The following HS6ST3 variants were observed in gnomAD, a reference collection of about 807,000 sequenced individuals.
HS6ST3 encodes heparan sulfate 6-O-sulfotransferase 3, also known as heparan-sulfate 6-O-sulfotransferase 3.
In HS6ST3, 12 loss-of-function variants were observed where a neutral mutation model predicts 36.7. The ratio of observed to expected loss-of-function variants is 0.33; its 90% CI spans 0.21 to 0.53. HS6ST3 has a LOEUF of 0.53. Ranked by LOEUF, HS6ST3 falls within the 20% of genes least tolerant of loss-of-function variation. The pLI, the probability that HS6ST3 is intolerant of heterozygous loss-of-function variation, is 0.95. For synonymous variants in HS6ST3, 240 were observed against 257.5 expected (o/e 0.93, Z 0.65); for missense variants, 584 against 640.9 (o/e 0.91, Z 0.96).
chr13:96,783,080 T>A (rs1006615863), intron 1 of HS6ST3, among the ~76,000 whole-genome samples: 1 of 152,214 alleles, frequency 6.6e-6, no homozygotes, highest in Non-Finnish European at 1.5e-5. Context: ...CATTGTTTGT[T>A]CAAGGAACAA....
At chr13:96,171,589 A>G (rs762099822) in intron 1 of HS6ST3, among the ~76,000 whole-genome samples, 11 of 152,232 alleles carry the variant, frequency 7.2e-5, no homozygotes, top group Non-Finnish European at 1.6e-4. Context: ...TCTGGCCTCA[A>G]CATGCAGTAT....
chr13:96,307,767 A>G (rs1345783367), intron 1 of HS6ST3, among the ~76,000 whole-genome samples: 1 of 152,074 alleles, frequency 6.6e-6, no homozygotes, highest in Non-Finnish European at 1.5e-5. Context: ...TTCTTAATAT[A>G]CTTTCTGTGT....
chr13:96,713,605 G>T (rs1875620938), intron 1 of HS6ST3, among the ~76,000 whole-genome samples: 2 of 152,094 alleles, frequency 1.3e-5, no homozygotes, highest in African/African-American at 4.8e-5. Flanking sequence ...TATTTTCAAG[G>T]CATGTGCATT....
At position 96,274,070 on chromosome 13, in the gene HS6ST3, GT is replaced by G; in HGVS notation, c.707+182505del. Among the ~76,000 whole-genome samples, 5 of 149,694 alleles carry G rather than the reference GT, an allele frequency of 3.3e-5. No homozygotes were observed. The East Asian group carries it at 5.9e-4, about 18-fold the overall frequency. ...TGATTCTTTCTTTCTTTCAGACAGG[GT>G]TTTGCTCTGTCCCCCAGGCTGTAGT... On this transcript the variant is annotated intron_variant, in intron 1 of 1. Coordinates refer to ENST00000376705, the MANE Select transcript of HS6ST3 (RefSeq NM_153456.4).
At chr13:96,147,014 A>G (rs765390111) in intron 1 of HS6ST3, among the ~76,000 whole-genome samples, 2 of 152,242 alleles carry the variant, frequency 1.3e-5, no homozygotes, top group Non-Finnish European at 2.9e-5. Context: ...TGAGATGCAG[A>G]AAGATGAAGA....
At chr13:96,742,754 T>A (rs1168479415) in intron 1 of HS6ST3, among the ~76,000 whole-genome samples, 1 of 152,138 alleles carries the variant, frequency 6.6e-6, no homozygotes, top group Admixed American at 6.6e-5. Flanking sequence ...TGATTAGGGA[T>A]ATTAATTTCA....
chr13:96,737,373 C>A (rs1225328814), intron 1 of HS6ST3, among the ~76,000 whole-genome samples: 4 of 151,848 alleles, frequency 2.6e-5, no homozygotes, highest in African/African-American at 7.3e-5. Flanking sequence ...CGCCTGTAAT[C>A]CCAGCACTTT....
Position 96,581,511 on chromosome 13 carries a change from C to T in HS6ST3, c.708-250979C>T, listed in dbSNP as rs540163467. ...CTCTGGGATTACAGGTATGAGCCACCGCGCCTGGCCAACAACTACTTTTTG... is the reference window on the plus strand; with the variant it reads ...CTCTGGGATTACAGGTATGAGCCACTGCGCCTGGCCAACAACTACTTTTTG... On this transcript the variant is annotated intron_variant, in intron 1 of 1. Coordinates refer to ENST00000376705, the MANE Select transcript of HS6ST3 (RefSeq NM_153456.4). Among the ~76,000 whole-genome samples the T allele has an allele frequency of 9.9e-5, 15 of 152,160 alleles. No individual in the cohort carries two copies. In the East Asian group the frequency reaches 1.2e-3, roughly 12 times the overall value.
At chr13:96,574,552 C>T (rs2056313854) in intron 1 of HS6ST3, 1 of 296,222 alleles carries the variant, frequency 3.4e-6, no homozygotes. Flanking sequence ...GCACCAATGG[C>T]TGTGACATCA....
intron 1 of HS6ST3, among the ~76,000 whole-genome samples, chr13:96,478,161 T>TC (rs1268570802): frequency 1.1e-4 from 16 of 152,228 alleles, no homozygotes; most frequent in African/African-American, 3.4e-4. Context: ...GCTCAATCAA[T>TC]ATGTGTTGAA....
chr13:96,215,744 A>G (rs1015097678), intron 1 of HS6ST3, among the ~76,000 whole-genome samples: 1 of 152,062 alleles, frequency 6.6e-6, no homozygotes, highest in South Asian at 2.1e-4. Context: ...GAATTAATAT[A>G]TAGTGTCACG....
At chr13:96,595,130 C>G (rs192401626) in intron 1 of HS6ST3, among the ~76,000 whole-genome samples, 1 of 152,278 alleles carries the variant, frequency 6.6e-6, no homozygotes, top group East Asian at 1.9e-4. Flanking sequence ...ACTGCAGCAT[C>G]AACCTCATGC....
chr13:96,772,765 A>T (rs897369351), intron 1 of HS6ST3, among the ~76,000 whole-genome samples: 2 of 152,190 alleles, frequency 1.3e-5, no homozygotes, highest in Non-Finnish European at 2.9e-5. Flanking sequence ...TGGCCAAAAC[A>T]TGGTCCTTCC....
chr13:96,473,245 C>T (rs912835664), intron 1 of HS6ST3, among the ~76,000 whole-genome samples: 1 of 152,124 alleles, frequency 6.6e-6, no homozygotes, highest in African/African-American at 2.4e-5. Context: ...GAAATGGAGA[C>T]TTAGTTGTTA....
At chr13:96,621,016 T>A (rs2056493062) in intron 1 of HS6ST3, among the ~76,000 whole-genome samples, 1 of 152,204 alleles carries the variant, frequency 6.6e-6, no homozygotes, top group Non-Finnish European at 1.5e-5. Flanking sequence ...CAGGGTGTGC[T>A]TTGGCACTTG....
chr13:96,406,566 A>G (rs1396254481), intron 1 of HS6ST3, among the ~76,000 whole-genome samples: 2 of 152,238 alleles, frequency 1.3e-5, no homozygotes, highest in Non-Finnish European at 2.9e-5. Flanking sequence ...CAGCTTAGAC[A>G]AATCTAACAG....
intron 1 of HS6ST3, among the ~76,000 whole-genome samples, chr13:96,538,310 A>G (rs2138940154): frequency 6.6e-6 from 1 of 152,392 alleles, no homozygotes; most frequent in South Asian, 2.1e-4. Flanking sequence ...ATGATAGTCA[A>G]TACCTTTCTC....
chr13:96,530,710 CT>C (rs2056132104), intron 1 of HS6ST3, among the ~76,000 whole-genome samples: 1 of 152,112 alleles, frequency 6.6e-6, no homozygotes, highest in African/African-American at 2.4e-5. Context: ...TCTTTGAAAT[CT>C]ATTCCCTCCA....
chr13:96,514,162 G>T (rs970715006), intron 1 of HS6ST3, among the ~76,000 whole-genome samples: 8 of 152,078 alleles, frequency 5.3e-5, no homozygotes, highest in African/African-American at 1.9e-4. Context: ...GAGCAGAAGA[G>T]GGGGACAGAG....
Sources: gnomAD v4.1 joint callset for allele counts (sites outside exome capture counted in the v4.1 genomes callset) on GRCh38, gnomAD v4.1.1 for gene constraint, MANE v1.5 for transcripts, NCBI Gene and HGNC (gene_info 2026-07-23, HGNC 2026-07-21) for gene names.